The following LOXL4 variants were observed in gnomAD, a reference collection of about 807,000 sequenced individuals.
The protein encoded by LOXL4 is lysyl oxidase homolog 4.
In LOXL4, 72 loss-of-function variants were observed where a neutral mutation model predicts 89.1. The ratio of observed to expected loss-of-function variants is 0.81; its 90% CI spans 0.67 to 0.98. LOXL4 has a LOEUF of 0.98. LOXL4 is among the 50% of genes least tolerant of loss of function. The pLI is 0.00. For missense variants in LOXL4, 984 were observed against 1,017.5 expected (o/e 0.97, Z 0.45); for synonymous variants, 355 against 392.1 (o/e 0.91, Z 1.12).
chr10:98,260,966 C>T lies in LOXL4; in HGVS notation c.618G>A (p.Met206Ile). Reference protein sequence around the residue: ...TMNNSRVVCGMLGFPSEVPVD... With the variant: ...TMNNSRVVCGILGFPSEVPVD... ...CAGGCACCTCGCTGGGGAAGCCCAG[C>T]ATCCCGCACACCACCCTGCTGTTGT... The change falls in exon 4 of 15, where the codon ATG becomes ATA. Residue 206 changes from methionine (M) to isoleucine (I), a missense_variant. Met to Ile is a conservative substitution (Grantham distance 10). Transcript: ENST00000260702. 3 of 1,613,796 alleles carry T rather than the reference C, an allele frequency of 1.9e-6. No homozygotes were observed. The highest frequency in any genetic ancestry group is 2.5e-6 in the Non-Finnish European group (3 of 1,179,974).
At chr10:98,252,777 C>T (rs1170141773) in intron 11 of LOXL4, among the ~76,000 whole-genome samples, 2 of 152,118 alleles carry the variant, frequency 1.3e-5, no homozygotes, top group Admixed American at 1.3e-4. Context: ...GGGGGAGAGG[C>T]GGGGCACCGG....
chr10:98,255,720 C>T lies in LOXL4; in HGVS notation c.1448G>A (p.Gly483Glu). ...HAYKETWFWS[G>E]TPRAQEVVMS... The stretch of plus-strand genomic sequence containing the variant: ...CACCACCTCCTGGGCCCTTGGCGTC[C>T]CCGACCAGAACCAGGTTTCCTAAGA... Residue 483 changes from glycine to glutamate, a missense_variant, in exon 10 of 15, where the codon GGG (glycine) becomes GAG (glutamate). By Grantham distance (98) the Gly-to-Glu change is moderately conservative. Coordinates refer to ENST00000260702, the MANE Select transcript of LOXL4 (RefSeq NM_032211.7). 6.2e-7 allele frequency: 1 copy of T among 1,611,488 alleles called. No homozygotes were observed. Among genetic ancestry groups the T allele is most frequent in the Non-Finnish European group, 8.5e-7 (1 of 1,177,846 alleles).
intron 3 of LOXL4, 96 bp downstream of exon 3, chr10:98,261,939 T>C: frequency 2.3e-6 from 3 of 1,301,510 alleles, no homozygotes; most frequent in Non-Finnish European, 3.1e-6. Context: ...GACTGCACCC[T>C]TTCCCCTCGC....
At chr10:98,263,143 A>G (rs897368181) in intron 1 of LOXL4, 92 bp from the exon 2 acceptor site, 6 of 985,540 alleles carry the variant, frequency 6.1e-6, no homozygotes, top group Non-Finnish European at 8.9e-6. Context: ...AGACAAAGGA[A>G]AGAAAACCCC....
Position 98,253,748 on chromosome 10 carries a change from T to G in LOXL4, c.1640A>C (p.Tyr547Ser), listed in dbSNP as rs773078636. ...MNAQLVQETA[Y>S]LEDRPLSQLY... is the part of the protein sequence containing the mutation. ...CTGGCTGAGCGGGCGGTCCTCCAAG[T>G]AGGCCGTCTCCTGCACTAGCTGGGC... is the stretch of plus-strand genomic sequence containing the variant. The change falls in exon 11 of 15, where the codon TAC (tyrosine) becomes TCC (serine). Residue 547 changes from tyrosine (Y) to serine (S), a missense_variant. Coordinates refer to ENST00000260702, the MANE Select transcript of LOXL4 (RefSeq NM_032211.7). 6.2e-7 allele frequency: 1 copy of G among 1,614,180 alleles called. No individual in the cohort carries two copies. The highest frequency in any genetic ancestry group is 8.5e-7 in the Non-Finnish European group (1 of 1,180,038).
rs376269699 is a variant in LOXL4 at position 98,258,115 on chromosome 10, A to G, written c.971T>C (p.Val324Ala). 57 of 1,612,976 alleles carry G rather than the reference A, an allele frequency of 3.5e-5. No homozygotes were observed. The African/African-American group carries it at 6.7e-4, about 19-fold the overall frequency. Residue 324 changes from valine (V) to alanine (A), a missense_variant, in exon 7 of 15, where the codon GTG (valine) becomes GCG (alanine). Transcript: ENST00000260702. ...RSGAQVGEGR[V>A]EVLMNRQWGT... ...CCACTGGCGGTTCATGAGCACTTCC[A>G]CCCGGCCCTCGCCCACCTGGGCCCC...
At chr10:98,256,620 TACC>T in intron 9 of LOXL4, 157 bp downstream of exon 9, 1 of 745,984 alleles carries the variant, frequency 1.3e-6, no homozygotes, top group South Asian at 1.8e-5. Context: ...TCTTCTTGTT[TACC>T]ACACTGTTCC....
intron 2 of LOXL4, 90 bp from the exon 3 acceptor site, chr10:98,262,303 C>T (rs1858567046): frequency 1.4e-6 from 2 of 1,387,256 alleles, no homozygotes; most frequent in African/African-American, 2.9e-5. Context: ...TACCAAGTCA[C>T]CTCTTCCAAA....
intron 14 of LOXL4, among the ~76,000 whole-genome samples, chr10:98,249,602 A>G (rs982837484): frequency 2.0e-5 from 3 of 152,228 alleles, no homozygotes; most frequent in Non-Finnish European, 4.4e-5. Context: ...CTTTAATTAA[A>G]TAAACTCAGA....
At chr10:98,263,846 T>G (rs1858612167) in intron 1 of LOXL4, among the ~76,000 whole-genome samples, 1 of 150,962 alleles carries the variant, frequency 6.6e-6, no homozygotes, top group Non-Finnish European at 1.5e-5. Flanking sequence ...ATTCTCTGCC[T>G]CATCCTCCTG....
At chr10:98,260,621 T>C (rs1275958734) in intron 4 of LOXL4, among the ~76,000 whole-genome samples, 1 of 152,096 alleles carries the variant, frequency 6.6e-6, no homozygotes, top group African/African-American at 2.4e-5. Context: ...GAGGCACCCG[T>C]GAAGCAAGAA....
At chr10:98,259,676 G>T (rs1407349637) in intron 4 of LOXL4, among the ~76,000 whole-genome samples, 1 of 152,210 alleles carries the variant, frequency 6.6e-6, no homozygotes, top group Non-Finnish European at 1.5e-5. Flanking sequence ...GGTGGATCAG[G>T]CTTGCCCTCT....
In LOXL4 at chr10:98,251,606, A is replaced by T. The variant is rs779568656; in HGVS notation, c.2048T>A (p.Val683Glu). The T allele has an allele frequency of 1.7e-5, 28 of 1,614,150 alleles. No homozygotes were observed. Among genetic ancestry groups the T allele is most frequent in the Middle Eastern group, 1.6e-4 (1 of 6,062 alleles). ...CCCGGGGCCCACATCTGTGATATCC[A>T]CCCACTGGCAATCAATGTCATGCCG... The part of the protein sequence containing the change: ...TYRHDIDCQW[V>E]DITDVGPGNY... The change falls in exon 13 of 15, where the codon GTG (valine) becomes GAG (glutamate). Residue 683 changes from valine (V) to glutamate (E), a missense_variant. Physicochemically the swap from Val to Glu is moderately radical, Grantham distance 121. Transcript: ENST00000260702.
chr10:98,251,719 A>G lies in LOXL4; in HGVS notation c.1952-17T>C. 6.2e-7 allele frequency: 1 copy of G among 1,613,668 alleles called. No individual in the cohort carries two copies. Among genetic ancestry groups the G allele is most frequent in the Non-Finnish European group, 8.5e-7 (1 of 1,179,868 alleles). On this transcript the variant is annotated splice_polypyrimidine_tract_variant and intron_variant, in intron 12 of 14. Transcript: ENST00000260702. ...GCTGCAGTCCTGTAAGGAAGGGGAC[A>G]GACAGGTTTTGAGGCAGGACGAAGC...
chr10:98,252,277 AG>A, intron 12 of LOXL4, 75 bp downstream of exon 12: 1 of 1,154,646 alleles, frequency 8.7e-7, no homozygotes, highest in South Asian at 1.3e-5. Flanking sequence ...CAGGGCAGAG[AG>A]AAAGCCTGAT....
intron 8 of LOXL4, among the ~76,000 whole-genome samples, chr10:98,257,394 G>A (rs188279214): frequency 1.2e-3 from 179 of 152,272 alleles, no homozygotes; most frequent in African/African-American, 4.0e-3. Flanking sequence ...CTCTTTCCCA[G>A]GCACCTTCTT....
intron 8 of LOXL4, 79 bp from the exon 9 acceptor site, chr10:98,257,026 C>G: frequency 1.3e-6 from 2 of 1,493,644 alleles, no homozygotes; most frequent in Non-Finnish European, 1.8e-6. Flanking sequence ...GAGGTCTGCC[C>G]AAGCCAGCTC....
intron 1 of LOXL4, 64 bp from the exon 2 acceptor site, chr10:98,263,115 A>G: frequency 7.2e-7 from 1 of 1,391,332 alleles, no homozygotes; most frequent in Non-Finnish European, 9.9e-7. Context: ...CTCTGCAGCA[A>G]TTTGGCAGCT....
chr10:98,257,912 C>T, intron 7 of LOXL4, 69 bp downstream of exon 7: 2 of 1,588,256 alleles, frequency 1.3e-6, no homozygotes, highest in Non-Finnish European at 1.7e-6. Context: ...CCTGTCACCC[C>T]AGGGCCTTCA....
Sources: gnomAD v4.1 joint callset for allele counts (sites outside exome capture counted in the v4.1 genomes callset) on GRCh38, gnomAD v4.1.1 for gene constraint, MANE v1.5 for transcripts, NCBI Gene and HGNC (gene_info 2026-07-23, HGNC 2026-07-21) for gene names.